Variants in SCGB1D4 observed in about 807,000 individuals in gnomAD.
SCGB1D4 encodes the protein IFN-gamma inducible SCGB (IIS).
SCGB1D4 carries 6 observed loss-of-function variants against 8.1 expected under a neutral mutation model. The ratio of observed to expected loss-of-function variants is 0.74; its 90% CI spans 0.40 to 1.45. The LOEUF (loss-of-function observed/expected upper bound fraction) is 1.45. SCGB1D4 is among the 40% of genes most tolerant of loss of function. The probability of loss-of-function intolerance (pLI) is 0.02; values close to 1 mark genes in which losing one functional copy is unlikely to be tolerated. For synonymous variants in SCGB1D4, 34 were observed against 38.1 expected, an observed-to-expected ratio of 0.89 and a Z score of 0.39; for missense variants, 93 against 95.0, an observed-to-expected ratio of 0.98 and a Z score of 0.09.
At chr11:62,297,262 G>A (rs761079400) in intron 2 of SCGB1D4, among the ~76,000 whole-genome samples, 36 of 152,188 alleles carry the variant, frequency 2.4e-4, no homozygotes, top group Non-Finnish European at 4.9e-4. Flanking sequence ...TGTCCACTGC[G>A]TGAGGGTAGG....
At position 62,297,570 on chromosome 11, in the gene SCGB1D4, T is replaced by A. The variant is rs926451351; in HGVS notation, c.144A>T (p.Lys48Asn). The change falls in exon 2 of 3, where the codon AAA becomes AAT. Residue 48 changes from lysine (K) to asparagine (N), a missense_variant. Transcript: ENST00000358585. Reference protein sequence around the residue: ...SDAAVNLQVAKLNPPPEALAA... With the variant: ...SDAAVNLQVANLNPPPEALAA... ...CAAGAGCTTCTGGAGGTGGATTAAG[T>A]TTGGCAACTTGGAGGTTTACCGCAG... 22 of 1,614,152 alleles carry A rather than the reference T, an allele frequency of 1.4e-5. No homozygotes were observed. Among genetic ancestry groups the A allele is most frequent in the Admixed American group, 1.7e-5 (1 of 60,028 alleles).
At chr11:62,297,264 G>A (rs988045519) in intron 2 of SCGB1D4, among the ~76,000 whole-genome samples, 1 of 152,216 alleles carries the variant, frequency 6.6e-6, no homozygotes, top group African/African-American at 2.4e-5. Context: ...TCCACTGCGT[G>A]AGGGTAGGTT....
intron 1 of SCGB1D4, among the ~76,000 whole-genome samples, chr11:62,298,020 G>A (rs1310124936): frequency 6.9e-6 from 1 of 145,766 alleles, no homozygotes; most frequent in East Asian, 2.1e-4. Context: ...TTGTGTGTGT[G>A]TGTGTGTGTG....
At chr11:62,296,536 G>T in intron 2 of SCGB1D4, 117 bp from the exon 3 acceptor site, 1 of 1,027,090 alleles carries the variant, frequency 9.7e-7, no homozygotes, top group Admixed American at 2.1e-5. Context: ...CAATTGGAAA[G>T]GCAGAGGCAA....
rs753334340 is a variant in SCGB1D4 at position 62,297,489 on chromosome 11, G to A, written c.225C>T (p.Leu75=). 2 of 1,610,910 alleles carry A rather than the reference G, an allele frequency of 1.2e-6. No individual in the cohort carries two copies. Among genetic ancestry groups the A allele is most frequent in the Admixed American group, 3.4e-5 (2 of 59,300 alleles). ...GAAATTACCAGGACTTTTTCAATGAGAGTCGTTTCTTAAAAGATATCTGAT... is the reference window on the plus strand; with the variant it reads ...GAAATTACCAGGACTTTTTCAATGAAAGTCGTTTCTTAAAAGATATCTGAT... The part of the protein sequence containing the change: ...CTDQISFKKR[L]SLKKSWWK The change falls in exon 2 of 3, where the codon CTC becomes CTT. Residue 75 remains leucine (L), a synonymous_variant. Transcript: ENST00000358585.
At chr11:62,296,560 G>C in intron 2 of SCGB1D4, 141 bp from the exon 3 acceptor site, 1 of 806,534 alleles carries the variant, frequency 1.2e-6, no homozygotes, top group Non-Finnish European at 2.0e-6. Context: ...TTCAGTTTGG[G>C]AAACTGAGGC....
chr11:62,298,905 A>G (rs1483499766), intron 1 of SCGB1D4, 51 bp downstream of exon 1: 2 of 1,584,614 alleles, frequency 1.3e-6, no homozygotes, highest in Admixed American at 1.7e-5. Context: ...TTGTGCTCAG[A>G]AGAGGGTGCA....
intron 2 of SCGB1D4, among the ~76,000 whole-genome samples, 157 bp downstream of exon 2, chr11:62,297,315 G>C (rs1945448057): frequency 6.6e-6 from 1 of 152,204 alleles, no homozygotes; most frequent in Non-Finnish European, 1.5e-5. Context: ...GCCGTGCTTG[G>C]CCCTTCACCA....
intron 1 of SCGB1D4, among the ~76,000 whole-genome samples, chr11:62,298,329 C>T (rs1416917672): frequency 2.0e-5 from 3 of 152,048 alleles, no homozygotes; most frequent in Admixed American, 6.6e-5. Context: ...TGTCGAAGCC[C>T]AGGTTCACCC....
chr11:62,299,000 G>C lies in SCGB1D4; in HGVS notation c.11C>G (p.Ser4Ter). MRL[S>*]VCLLMVSLAL... ...CAGCGAGACCATCAGGAGACACACTGACAGCCTCATGGTGGCTTATTCGGC... is the reference window on the plus strand; with the variant it reads ...CAGCGAGACCATCAGGAGACACACTCACAGCCTCATGGTGGCTTATTCGGC... Residue 4 changes from serine to a stop codon, truncating the protein, a stop_gained, in exon 1 of 3, where the codon TCA (serine) becomes TGA (stop). Coordinates refer to ENST00000358585, the MANE Select transcript of SCGB1D4 (RefSeq NM_206998.2). LOFTEE classifies it high-confidence loss of function. 3.7e-6 allele frequency: 6 copies of C among 1,613,888 alleles called. No homozygotes were observed. Among genetic ancestry groups the C allele is most frequent in the Non-Finnish European group, 4.2e-6 (5 of 1,179,872 alleles).
rs201618810 is a variant in SCGB1D4 at position 62,298,955 on chromosome 11, C to T, written c.55+1G>A. ...GCTGGACTCATGACTGATGTACTCACCCTGGTAGCAGCAAAGGGCCAGCGA... is the reference window on the plus strand; with the variant it reads ...GCTGGACTCATGACTGATGTACTCATCCTGGTAGCAGCAAAGGGCCAGCGA... On this transcript the variant is annotated splice_donor_variant, in intron 1 of 2. Transcript: ENST00000358585. LOFTEE classifies it high-confidence loss of function. 6.2e-7 allele frequency: 1 copy of T among 1,613,890 alleles called. No individual in the cohort carries two copies. Among genetic ancestry groups the T allele is most frequent in the East Asian group, 2.2e-5 (1 of 44,882 alleles).
At chr11:62,298,348 A>G (rs1219563023) in intron 1 of SCGB1D4, among the ~76,000 whole-genome samples, 2 of 152,188 alleles carry the variant, frequency 1.3e-5, no homozygotes, top group African/African-American at 2.4e-5. Flanking sequence ...CCCAGACCTC[A>G]CATTACATCA....
At chr11:62,298,084 C>T (rs1469226494) in intron 1 of SCGB1D4, among the ~76,000 whole-genome samples, 3 of 125,040 alleles carry the variant, frequency 2.4e-5, no homozygotes, top group Admixed American at 9.8e-5. Context: ...GATGGGGTTT[C>T]GCCATGTTGC....
At chr11:62,297,327 C>A (rs908508642) in intron 2 of SCGB1D4, 145 bp downstream of exon 2, 2 of 700,586 alleles carry the variant, frequency 2.9e-6, no homozygotes, top group Middle Eastern at 6.0e-4. Flanking sequence ...CCTTCACCAT[C>A]CCTGCCTTGG....
In SCGB1D4 at chr11:62,296,432, A is replaced by G. The variant is rs201014169; in HGVS notation, c.243-13T>C. The G allele has an allele frequency of 1.2e-4, 194 of 1,608,532 alleles. No individual in the cohort carries two copies. Among genetic ancestry groups the G allele is most frequent in the African/African-American group, 3.6e-4 (27 of 74,950 alleles). ...TCACTATTTCCACCTGAAATCAAAAAAAAGAAAGAAAGAAAGAAAGGTGAG... is the reference window on the plus strand; with the variant it reads ...TCACTATTTCCACCTGAAATCAAAAGAAAGAAAGAAAGAAAGAAAGGTGAG... On this transcript the variant is annotated splice_polypyrimidine_tract_variant and intron_variant, in intron 2 of 2. Coordinates refer to ENST00000358585, the MANE Select transcript of SCGB1D4 (RefSeq NM_206998.2).
In SCGB1D4 at chr11:62,297,652, G is replaced by A; in HGVS notation, c.62C>T (p.Ala21Val). ...SLALCCYQAH[A>V]LVCPAVASEI... is the part of the protein sequence containing the mutation. Reference sequence around the variant, plus strand: ...AGAAGCAACAGCTGGGCAGACAAGAGCATGGGCTGCAGCACAAAAATAAAA... The same window carrying A: ...AGAAGCAACAGCTGGGCAGACAAGAACATGGGCTGCAGCACAAAAATAAAA... Residue 21 changes from alanine (A) to valine (V), a missense_variant, in exon 2 of 3, where the codon GCT (alanine) becomes GTT (valine). Transcript: ENST00000358585. The A allele has an allele frequency of 6.2e-7, 1 of 1,610,656 alleles. No individual in the cohort carries two copies. Among genetic ancestry groups the A allele is most frequent in the Middle Eastern group, 1.8e-4 (1 of 5,462 alleles).
At chr11:62,296,457 G>C in intron 2 of SCGB1D4, 38 bp from the exon 3 acceptor site, 2 of 1,599,836 alleles carry the variant, frequency 1.3e-6, no homozygotes, top group Admixed American at 1.7e-5. Flanking sequence ...AGAAAGGTGA[G>C]GTCAGTCATG....
At chr11:62,298,010 T>G (rs906183560) in intron 1 of SCGB1D4, among the ~76,000 whole-genome samples, 2 of 116,234 alleles carry the variant, frequency 1.7e-5, no homozygotes, top group African/African-American at 6.7e-5. Flanking sequence ...ATGCCCGCTT[T>G]TGTGTGTGTG....
At chr11:62,298,492 C>T (rs112729370) in intron 1 of SCGB1D4, among the ~76,000 whole-genome samples, 3,249 of 152,260 alleles carry the variant, frequency 0.021, 97 homozygotes, top group African/African-American at 0.073. Flanking sequence ...GGCGCAGTAG[C>T]TCATGCCTGT....
Sources: gnomAD v4.1 joint callset for allele counts (sites outside exome capture counted in the v4.1 genomes callset) on GRCh38, gnomAD v4.1.1 for gene constraint, MANE v1.5 for transcripts, NCBI Gene and HGNC (gene_info 2026-07-23, HGNC 2026-07-21) for gene names.